Variants in DGKH observed in about 807,000 individuals in gnomAD.
The protein encoded by DGKH is DAG kinase eta.
In DGKH, 90 loss-of-function variants were observed where a neutral mutation model predicts 159.3. The ratio of observed to expected loss-of-function variants is 0.57; its 90% CI spans 0.48 to 0.67. The LOEUF (loss-of-function observed/expected upper bound fraction) is 0.67, where lower values mean the gene tolerates loss of function less well. Ranked by LOEUF, DGKH falls within the 30% of genes least tolerant of loss-of-function variation. The pLI, the probability that DGKH is intolerant of heterozygous loss-of-function variation, is 0.00. For missense variants in DGKH, 1,181 were observed against 1,506.1 expected, an observed-to-expected ratio of 0.78 and a Z score of 3.57; for synonymous variants, 536 against 553.8, an observed-to-expected ratio of 0.97 and a Z score of 0.45.
Position 42,255,959 on chromosome 13 carries a change from G to T in DGKH, n.4128-325G>T, listed in dbSNP as rs990711564. 10 of 1,608,776 alleles carry T rather than the reference G, an allele frequency of 6.2e-6. No homozygotes were observed. In the African/African-American group the frequency reaches 6.7e-5, roughly 11 times the overall value. On this transcript the variant is annotated intron_variant and non_coding_transcript_variant, in intron 30 of 30. Coordinates refer to the DGKH transcript ENST00000498255. ...ATTTGAAGCTCTGGCTGCTCATGAC[G>T]CTCTGGTTGAGCTCAGTGGAGCCAT...
At chr13:42,176,749 C>T (rs901124288) in intron 12 of DGKH, among the ~76,000 whole-genome samples, 6 of 152,088 alleles carry the variant, frequency 3.9e-5, no homozygotes, top group Middle Eastern at 3.2e-3. Context: ...CTGAGTCAGG[C>T]AGAAGAGCAT....
intron 13 of DGKH, among the ~76,000 whole-genome samples, chr13:42,184,624 G>A (rs1268634376): frequency 6.6e-6 from 1 of 152,156 alleles, no homozygotes; most frequent in Non-Finnish European, 1.5e-5. Context: ...TGCTTTGGGA[G>A]TGCAAGTCAG....
chr13:42,226,246 A>G (rs557901136), intron 29 of DGKH, among the ~76,000 whole-genome samples: 1 of 152,372 alleles, frequency 6.6e-6, no homozygotes, highest in South Asian at 2.1e-4. Context: ...CCTCAATGAG[A>G]TACTATCTCA....
In DGKH at chr13:42,192,229, A is replaced by G. The variant is rs552850343; in HGVS notation, c.2035+1704A>G. On this transcript the variant is annotated intron_variant, in intron 16 of 29. Transcript: ENST00000337343. ...CTCATGGACCTCACATGTTCAGCAT[A>G]CCACCCAATGCAGGCATGTTCTAGG... Among the ~76,000 whole-genome samples the G allele has an allele frequency of 1.4e-4, 22 of 152,314 alleles. 1 individual carries two copies. Among genetic ancestry groups the G allele is most frequent in the African/African-American group, 5.3e-4 (22 of 41,560 alleles).
At chr13:42,048,614 G>A, upstream of DGKH, 1 of 941,564 alleles carries the variant, frequency 1.1e-6, no homozygotes, top group Non-Finnish European at 1.4e-6. This position sits in a 1 kb window ranked among gnomAD's most constrained non-coding sequence, Gnocchi z 6.7. Flanking sequence ...GAGGGCGCCT[G>A]CCCCGGGCGA....
chr13:42,068,843 G>A (rs1882767707), intron 1 of DGKH: 1 of 606,692 alleles, frequency 1.6e-6, no homozygotes, highest in African/African-American at 1.9e-5. Context: ...GACACCATCT[G>A]ATTCAAGTAA....
chr13:42,221,354 G>T lies in DGKH; in HGVS notation c.3533G>T (p.Arg1178Ile). Residue 1178 changes from arginine (R) to isoleucine (I), a missense_variant, in exon 29 of 30, where the codon AGA becomes ATA. Physicochemically the swap from Arg to Ile is moderately conservative, Grantham distance 97 (BLOSUM62 -3). Around this residue, in one of 5 missense-constraint regions of DGKH, gnomAD observed 84 missense variants for 77.9 expected, o/e 1.08. Transcript: ENST00000337343. ...GATATCTTCATCCGTCATGACATCA[G>T]AGGGGCTGAACTTTTGCATCTGGAA... ...YKDIFIRHDI[R>I]GAELLHLERR... 2 of 1,613,820 alleles carry T rather than the reference G, an allele frequency of 1.2e-6. No homozygotes were observed. Among genetic ancestry groups the T allele is most frequent in the Non-Finnish European group, 1.7e-6 (2 of 1,179,744 alleles).
At chr13:42,245,030 A>G (rs1165969400), downstream of DGKH, among the ~76,000 whole-genome samples, 1 of 151,690 alleles carries the variant, frequency 6.6e-6, no homozygotes, top group Non-Finnish European at 1.5e-5. Flanking sequence ...CTTAGCTTGG[A>G]AAAGAGAACA....
intron 1 of DGKH, among the ~76,000 whole-genome samples, chr13:42,040,695 G>C (rs946154028): frequency 4.0e-5 from 6 of 150,710 alleles, no homozygotes; most frequent in Non-Finnish European, 8.9e-5. Context: ...GCGGGGGCGG[G>C]AGAGCGCGGC....
intron 1 of DGKH, among the ~76,000 whole-genome samples, chr13:42,078,909 CTTTT>C (rs55801562): frequency 1.1e-4 from 10 of 93,574 alleles, no homozygotes; most frequent in African/African-American, 4.4e-4. Flanking sequence ...GTATATTCTC[CTTTT>C]TTTTTTTTTT....
At chr13:42,096,581 T>C (rs1954542661) in intron 1 of DGKH, among the ~76,000 whole-genome samples, 1 of 152,202 alleles carries the variant, frequency 6.6e-6, no homozygotes, top group Middle Eastern at 3.2e-3. Context: ...ATTTATGTGG[T>C]AAGCTTTTCA....
chr13:42,227,605 C>T (rs1958167046), intron 29 of DGKH, among the ~76,000 whole-genome samples: 1 of 152,154 alleles, frequency 6.6e-6, no homozygotes, highest in South Asian at 2.1e-4. Context: ...GATACTTTTG[C>T]ACGTATTCAG....
At chr13:42,127,667 G>A (rs957255) in intron 2 of DGKH, 94 bp downstream of exon 2, 302,312 of 855,858 alleles carry the variant, frequency 0.35, 55,868 homozygotes, top group Admixed American at 0.47. Flanking sequence ...GAAGCGCACT[G>A]TAGCATTATG....
chr13:42,168,708 A>C lies in DGKH; in HGVS notation c.1257A>C (p.Thr419=), dbSNP rs1352496149. ...QCQLGVLPLG[T]GNDLARVLGW... is the part of the protein sequence containing the mutation. The stretch of plus-strand genomic sequence containing the variant: ...AGCTGGGAGTGTTGCCTTTGGGTAC[A>C]GGAAATGACCTTGCCCGAGTTCTTG... The change falls in exon 11 of 30, where the codon ACA becomes ACC. Residue 419 remains threonine (T), a synonymous_variant. Coordinates refer to ENST00000337343, the MANE Select transcript of DGKH (RefSeq NM_178009.5). The C allele has an allele frequency of 6.2e-7, 1 of 1,614,094 alleles. No homozygotes were observed.
At chr13:42,249,177 C>T (rs749066606) in intron 29 of DGKH, among the ~76,000 whole-genome samples, 1 of 152,138 alleles carries the variant, frequency 6.6e-6, no homozygotes, top group East Asian at 1.9e-4. Flanking sequence ...AGTTCCAGAC[C>T]AGCCTGGGCA....
intron 1 of DGKH, among the ~76,000 whole-genome samples, chr13:42,072,089 GTTTGAA>G (rs1344550959): frequency 1.3e-5 from 2 of 152,124 alleles, no homozygotes; most frequent in African/African-American, 4.8e-5. Flanking sequence ...ATTGCTTAAT[GTTTGAA>G]TTAGAAGAAA....
At chr13:42,225,148 C>T (rs1438254381) in intron 29 of DGKH, 2 of 715,148 alleles carry the variant, frequency 2.8e-6, no homozygotes, top group African/African-American at 1.9e-5. Flanking sequence ...GTCTTGAACT[C>T]CTGGCCTCAA....
chr13:42,113,390 G>A (rs954307692), intron 1 of DGKH, among the ~76,000 whole-genome samples: 5 of 152,166 alleles, frequency 3.3e-5, no homozygotes, highest in Admixed American at 3.3e-4. Flanking sequence ...TTGAATCAAA[G>A]TGCATTAATG....
chr13:42,191,995 C>A (rs553153921), intron 16 of DGKH, among the ~76,000 whole-genome samples: 7 of 152,254 alleles, frequency 4.6e-5, no homozygotes, highest in Admixed American at 1.3e-4. Flanking sequence ...AATCTACCTA[C>A]TTCATTGGGT....
Sources: gnomAD v4.1 joint callset for allele counts (sites outside exome capture counted in the v4.1 genomes callset) on GRCh38, gnomAD v4.1.1 for gene constraint, gnomAD v4.1.1 regional missense constraint, Gnocchi (gnomAD v3.1) non-coding constraint, MANE v1.5 for transcripts, NCBI Gene and HGNC (gene_info 2026-07-23, HGNC 2026-07-21) for gene names.